Variants in DEPDC1B observed in about 807,000 individuals in gnomAD.
DEPDC1B encodes the protein DEP domain-containing protein 1B.
A neutral mutation model predicts 66.5 loss-of-function variants in DEPDC1B; 51 were observed. The ratio of observed to expected loss-of-function variants is 0.77; its 90% CI spans 0.61 to 0.97. DEPDC1B has a LOEUF of 0.97. Ranked by LOEUF, DEPDC1B falls within the 50% of genes least tolerant of loss-of-function variation. DEPDC1B has a pLI of 0.00. For missense variants in DEPDC1B, 552 were observed against 637.1 expected (o/e 0.87, Z 1.44); for synonymous variants, 226 against 223.6 (o/e 1.01, Z -0.10).
intron 7 of DEPDC1B, among the ~76,000 whole-genome samples, chr5:60,613,670 G>A (rs1752470866): frequency 6.6e-6 from 1 of 152,084 alleles, no homozygotes; most frequent in Non-Finnish European, 1.5e-5. Context: ...ACTTTTTTAA[G>A]TCTGTATTTG....
rs143548430 is a variant in DEPDC1B at position 60,687,175 on chromosome 5, C to A, written c.101G>T (p.Arg34Leu). The change falls in exon 2 of 11, where the codon CGC becomes CTC. Residue 34 changes from arginine (R) to leucine (L), a missense_variant. Coordinates refer to ENST00000265036, the MANE Select transcript of DEPDC1B (RefSeq NM_018369.3). ...ATGCTCATAGCTCTTGAAACGACAG[C>A]GATGTTTCCGTAACGGCATCTTAGC... ...FRAKMPLRKH[R>L]CRFKSYEHCF... 1.2e-6 allele frequency: 2 copies of A among 1,613,922 alleles called. No individual in the cohort carries two copies. Among genetic ancestry groups the A allele is most frequent in the East Asian group, 2.2e-5 (1 of 44,874 alleles).
At chr5:60,660,318 G>C (rs1053008311) in intron 2 of DEPDC1B, among the ~76,000 whole-genome samples, 10 of 104,600 alleles carry the variant, frequency 9.6e-5, no homozygotes, top group Admixed American at 6.6e-4. Flanking sequence ...GAGACAAAGG[G>C]GGGGAGAGAG....
At chr5:60,614,844 A>G (rs563407346) in intron 7 of DEPDC1B, among the ~76,000 whole-genome samples, 1 of 152,192 alleles carries the variant, frequency 6.6e-6, no homozygotes, top group Admixed American at 6.5e-5. Context: ...TACAAAACAT[A>G]GCCAGGCATG....
chr5:60,607,291 C>T (rs564004457), intron 7 of DEPDC1B, among the ~76,000 whole-genome samples: 11 of 152,148 alleles, frequency 7.2e-5, no homozygotes, highest in African/African-American at 2.2e-4. Flanking sequence ...TGTGCATGGA[C>T]GGGAAAGGAG....
intron 1 of DEPDC1B, among the ~76,000 whole-genome samples, chr5:60,688,668 T>C (rs1341406797): frequency 6.6e-6 from 1 of 152,196 alleles, no homozygotes; most frequent in East Asian, 1.9e-4. Flanking sequence ...GACCCCAGAA[T>C]GGAGTCTCCA....
chr5:60,641,340 G>GTAA (rs1753186729), intron 6 of DEPDC1B, among the ~76,000 whole-genome samples: 1 of 146,276 alleles, frequency 6.8e-6, no homozygotes, highest in African/African-American at 2.5e-5. Context: ...ATTCCTAGCT[G>GTAA]ATCAACTTCT....
intron 7 of DEPDC1B, among the ~76,000 whole-genome samples, chr5:60,613,791 TG>T (rs1752473925): frequency 5.0e-4 from 39 of 78,456 alleles, no homozygotes; most frequent in South Asian, 1.6e-3. Context: ...TATGTATTTG[TG>T]TGTGTGTGTG....
intron 1 of DEPDC1B, 106 bp downstream of exon 1, chr5:60,699,940 G>T: frequency 7.4e-7 from 1 of 1,358,464 alleles, no homozygotes; most frequent in Non-Finnish European, 1.0e-6. Flanking sequence ...CCACACCCGA[G>T]CCCCGCTGGC....
At chr5:60,633,337 T>C (rs1390515386) in intron 7 of DEPDC1B, among the ~76,000 whole-genome samples, 2 of 152,186 alleles carry the variant, frequency 1.3e-5, no homozygotes, top group Non-Finnish European at 2.9e-5. Flanking sequence ...CTCTGGTGAC[T>C]TCCTCTGGCC....
chr5:60,630,343 G>A (rs1041688547), intron 7 of DEPDC1B, among the ~76,000 whole-genome samples: 7 of 152,144 alleles, frequency 4.6e-5, no homozygotes, highest in African/African-American at 1.4e-4. Context: ...ATGTGCGCTC[G>A]GCACGGCTGC....
chr5:60,644,726 A>C lies in DEPDC1B; in HGVS notation c.709+19T>G, dbSNP rs542247916. ...ATATATTATGTCAATAAGTAACAAAATTATATTTATGCACTTACTTGACTT... is the reference window on the plus strand; with the variant it reads ...ATATATTATGTCAATAAGTAACAAACTTATATTTATGCACTTACTTGACTT... On this transcript the variant is annotated intron_variant, in intron 5 of 10. Coordinates refer to ENST00000265036, the MANE Select transcript of DEPDC1B (RefSeq NM_018369.3). 10 of 1,574,532 alleles carry C rather than the reference A, an allele frequency of 6.4e-6. No individual in the cohort carries two copies. The African/African-American group carries it at 1.2e-4, about 19-fold the overall frequency.
At chr5:60,604,247 G>A (rs1429569486) in intron 8 of DEPDC1B, among the ~76,000 whole-genome samples, 1 of 36,834 alleles carries the variant, frequency 2.7e-5, no homozygotes, top group Admixed American at 4.5e-4. Flanking sequence ...TTTTTACGGA[G>A]TCTCGCTCTG....
At chr5:60,658,905 G>A (rs757244527) in intron 2 of DEPDC1B, among the ~76,000 whole-genome samples, 12 of 152,162 alleles carry the variant, frequency 7.9e-5, no homozygotes, top group Non-Finnish European at 1.0e-4. Flanking sequence ...GTCGCAGACC[G>A]GCCACTGACT....
intron 6 of DEPDC1B, among the ~76,000 whole-genome samples, chr5:60,641,164 AG>A (rs1753182533): frequency 6.6e-6 from 1 of 152,176 alleles, no homozygotes; most frequent in Non-Finnish European, 1.5e-5. Context: ...AGTTATTCTA[AG>A]CTTTCTGCAG....
intron 7 of DEPDC1B, among the ~76,000 whole-genome samples, chr5:60,623,049 A>T (rs999522320): frequency 1.3e-5 from 2 of 152,128 alleles, no homozygotes; most frequent in Admixed American, 1.3e-4. Flanking sequence ...AGGAACTAAG[A>T]TATCTTTGTC....
intron 2 of DEPDC1B, among the ~76,000 whole-genome samples, chr5:60,664,204 G>A (rs902966351): frequency 3.3e-5 from 5 of 152,202 alleles, no homozygotes; most frequent in Non-Finnish European, 7.3e-5. Flanking sequence ...AATAGCTCTA[G>A]GAGTCCTTAC....
chr5:60,662,383 G>A (rs966980942), intron 2 of DEPDC1B, among the ~76,000 whole-genome samples: 10 of 151,218 alleles, frequency 6.6e-5, no homozygotes, highest in East Asian at 3.9e-4. Context: ...GTGAGACTCC[G>A]TCTCAAAAAA....
chr5:60,677,530 CTTT>C (rs1754198236), intron 2 of DEPDC1B, among the ~76,000 whole-genome samples: 1 of 151,796 alleles, frequency 6.6e-6, no homozygotes, highest in East Asian at 1.9e-4. Context: ...TCATTTTTTT[CTTT>C]TTTATTTTTT....
intron 7 of DEPDC1B, among the ~76,000 whole-genome samples, chr5:60,634,517 A>G (rs1377357702): frequency 4.0e-5 from 6 of 151,872 alleles, no homozygotes; most frequent in Non-Finnish European, 7.4e-5. Flanking sequence ...CTAAAAATAC[A>G]AAAAATTAGC....
Sources: gnomAD v4.1 joint callset for allele counts (sites outside exome capture counted in the v4.1 genomes callset) on GRCh38, gnomAD v4.1.1 for gene constraint, MANE v1.5 for transcripts, NCBI Gene and HGNC (gene_info 2026-07-23, HGNC 2026-07-21) for gene names.